SERPINI1: variants seen among roughly 807,000 people sequenced by gnomAD.
SERPINI1 encodes the protein neuroserpin.
A neutral mutation model predicts 41.1 loss-of-function variants in SERPINI1; 19 were observed. The ratio of observed to expected loss-of-function variants is 0.46; its 90% CI spans 0.32 to 0.68. The LOEUF is 0.68. Ranked by LOEUF, SERPINI1 falls within the 30% of genes least tolerant of loss-of-function variation. SERPINI1 has a pLI of 0.03. For missense variants in SERPINI1, 460 were observed against 479.2 expected (o/e 0.96, Z 0.37); for synonymous variants, 138 against 156.6 (o/e 0.88, Z 0.89).
intron 1 of SERPINI1, among the ~76,000 whole-genome samples, chr3:167,760,348 A>AATATATATATATATATATATATATATAT (rs35053492): frequency 6.8e-6 from 1 of 147,450 alleles, no homozygotes; most frequent in African/African-American, 2.5e-5. Context: ...ACTAATTTCA[A>AATATATATATATATATATATATATATAT]ATATATATAT....
At chr3:167,809,897 C>T (rs777782854) in intron 6 of SERPINI1, among the ~76,000 whole-genome samples, 6 of 152,032 alleles carry the variant, frequency 3.9e-5, no homozygotes, top group Admixed American at 2.6e-4. Context: ...CAAATACCAC[C>T]CCATTCAGGT....
intron 1 of SERPINI1, among the ~76,000 whole-genome samples, chr3:167,752,882 A>G (rs1726086568): frequency 1.3e-5 from 2 of 152,164 alleles, no homozygotes; most frequent in Non-Finnish European, 2.9e-5. Flanking sequence ...TCTCAACTTA[A>G]ATAACACTTG....
chr3:167,794,874 A>C, intron 5 of SERPINI1, 50 bp downstream of exon 5: 1 of 1,477,998 alleles, frequency 6.8e-7, no homozygotes, highest in South Asian at 1.1e-5. Context: ...ATGGGCTATC[A>C]ATGAAAATCT....
chr3:167,768,958 G>A (rs762061388), intron 1 of SERPINI1, among the ~76,000 whole-genome samples: 2 of 151,708 alleles, frequency 1.3e-5, no homozygotes, highest in Non-Finnish European at 2.9e-5. Flanking sequence ...GTCTCCAGGA[G>A]CCCCTCCCTC....
At chr3:167,812,031 A>G (rs11919881) in intron 6 of SERPINI1, among the ~76,000 whole-genome samples, 123,643 of 152,070 alleles carry the variant, frequency 0.81, 50,500 homozygotes, top group East Asian at 0.97. Flanking sequence ...TCTTGCTTCT[A>G]GAAAAACGGA....
At chr3:167,749,749 ACT>A (rs1362798741) in intron 1 of SERPINI1, among the ~76,000 whole-genome samples, 3 of 152,198 alleles carry the variant, frequency 2.0e-5, no homozygotes, top group African/African-American at 7.2e-5. Flanking sequence ...GAACCTGTTT[ACT>A]GTTAATAAAC....
chr3:167,806,332 G>C (rs924198220), intron 5 of SERPINI1, among the ~76,000 whole-genome samples: 6 of 152,054 alleles, frequency 3.9e-5, no homozygotes, highest in African/African-American at 1.2e-4. Context: ...GAGGGGGTAG[G>C]GGGGCAAGGG....
intron 1 of SERPINI1, among the ~76,000 whole-genome samples, chr3:167,740,146 C>A (rs1725630816): frequency 6.6e-6 from 1 of 151,932 alleles, no homozygotes; most frequent in South Asian, 2.1e-4. Context: ...ACTCCTCACA[C>A]CGCAGACTCC....
intron 1 of SERPINI1, among the ~76,000 whole-genome samples, chr3:167,756,722 CTA>C (rs1302909124): frequency 6.6e-6 from 1 of 152,158 alleles, no homozygotes; most frequent in African/African-American, 2.4e-5. Context: ...CTTGTAATGA[CTA>C]TGGCAGTCAT....
chr3:167,793,834 A>ATGTGTGTGTGTGTGTG (rs1368712957), intron 4 of SERPINI1, among the ~76,000 whole-genome samples: 3 of 106,576 alleles, frequency 2.8e-5, no homozygotes, highest in African/African-American at 1.2e-4. Context: ...TTTTGGCCAT[A>ATGTGTGTGTGTGTGTG]TGTATGTGTG....
intron 1 of SERPINI1, among the ~76,000 whole-genome samples, chr3:167,746,595 T>C: frequency 6.6e-6 from 1 of 152,194 alleles, no homozygotes; most frequent in South Asian, 2.1e-4. Flanking sequence ...GCAAAGGATA[T>C]GAATAGACAT....
intron 1 of SERPINI1, among the ~76,000 whole-genome samples, chr3:167,766,613 G>A (rs1016655197): frequency 6.6e-6 from 1 of 152,228 alleles, no homozygotes; most frequent in Non-Finnish European, 1.5e-5. Context: ...AGCAAGCCAA[G>A]TCGTGAATGC....
chr3:167,765,891 A>G (rs747504656), intron 1 of SERPINI1, among the ~76,000 whole-genome samples: 1 of 152,206 alleles, frequency 6.6e-6, no homozygotes, highest in Non-Finnish European at 1.5e-5. Context: ...TCTCTTTGCT[A>G]AAACATAACA....
At chr3:167,740,530 ACAT>A (rs1422187470) in intron 1 of SERPINI1, among the ~76,000 whole-genome samples, 1 of 152,256 alleles carries the variant, frequency 6.6e-6, no homozygotes, top group African/African-American at 2.4e-5. Flanking sequence ...CTATAATGAA[ACAT>A]CATTTTGCAA....
chr3:167,807,379 A>G (rs772194721), intron 6 of SERPINI1, 38 bp downstream of exon 6: 2 of 1,272,550 alleles, frequency 1.6e-6, no homozygotes, highest in African/African-American at 1.5e-5. Context: ...ATGTTATTCC[A>G]TAAGAGCTTT....
chr3:167,760,235 T>C (rs1489710027), intron 1 of SERPINI1, among the ~76,000 whole-genome samples: 1 of 152,092 alleles, frequency 6.6e-6, no homozygotes, highest in Non-Finnish European at 1.5e-5. Context: ...TCTGGCAAAC[T>C]TAAATTAGTT....
At chr3:167,797,913 T>C (rs1434862217) in intron 5 of SERPINI1, among the ~76,000 whole-genome samples, 2 of 152,142 alleles carry the variant, frequency 1.3e-5, no homozygotes, top group East Asian at 1.9e-4. Context: ...CTAATGACCT[T>C]TCACAATTAA....
chr3:167,825,157 A>G (rs1440122784), intron 8 of SERPINI1, 90 bp from the exon 9 acceptor site: 2 of 875,364 alleles, frequency 2.3e-6, no homozygotes, highest in Non-Finnish European at 3.9e-6. Flanking sequence ...GGAGAAAATA[A>G]CATATTTTCA....
Position 167,825,434 on chromosome 3 carries a change from A to T in SERPINI1, c.*111A>T, listed in dbSNP as rs959344412. ...TATATCTTAAGATAATATTTAAAAT[A>T]GTTCCAGATAAAAACAATATATGTA... On this transcript the variant is annotated 3_prime_UTR_variant, in exon 9 of 9. Transcript: ENST00000446050. 2.7e-6 allele frequency: 2 copies of T among 735,078 alleles called. No homozygotes were observed. Among genetic ancestry groups the T allele is most frequent in the African/African-American group, 3.5e-5 (2 of 56,496 alleles). 45.5% of individuals were successfully genotyped at this position (735,078 alleles called of 1,614,324 possible).
Sources: allele counts gnomAD v4.1 joint callset (sites outside exome capture counted in the v4.1 genomes callset), GRCh38; gene constraint gnomAD v4.1.1; transcripts MANE v1.5; gene names NCBI Gene and HGNC (gene_info 2026-07-23, HGNC 2026-07-21).